Variants in TRPC6 observed in about 807,000 individuals in gnomAD.
TRPC6 encodes short transient receptor potential channel 6.
TRPC6 carries 55 observed loss-of-function variants against 90.7 expected under a neutral mutation model. The ratio of observed to expected loss-of-function variants is 0.61; its 90% CI spans 0.49 to 0.76. TRPC6 has a LOEUF of 0.76. Ranked by LOEUF, TRPC6 falls within the 30% of genes least tolerant of loss-of-function variation. The pLI is 0.00. For missense variants in TRPC6, 989 were observed against 1,122.7 expected (o/e 0.88, Z 1.70); for synonymous variants, 393 against 393.0 (o/e 1.00, Z 0.00).
At chr11:101,544,224 G>A (rs950916334) in intron 1 of TRPC6, among the ~76,000 whole-genome samples, 11 of 152,130 alleles carry the variant, frequency 7.2e-5, no homozygotes, top group Admixed American at 2.6e-4. Flanking sequence ...AAAAAGTCAG[G>A]AAACAACAGA....
intron 9 of TRPC6, 43 bp downstream of exon 9, chr11:101,471,140 A>C: frequency 6.2e-7 from 1 of 1,603,058 alleles, no homozygotes; most frequent in South Asian, 1.1e-5. Flanking sequence ...TACAGTAGTC[A>C]CAAAATTTAA....
At chr11:101,464,390 T>G (rs1354496609) in intron 10 of TRPC6, among the ~76,000 whole-genome samples, 1 of 152,194 alleles carries the variant, frequency 6.6e-6, no homozygotes, top group East Asian at 1.9e-4. Flanking sequence ...GAGATTGGGA[T>G]GTTAGAGTCT....
chr11:101,548,180 C>A (rs1461996246), intron 1 of TRPC6, among the ~76,000 whole-genome samples: 2 of 149,112 alleles, frequency 1.3e-5, no homozygotes, highest in African/African-American at 4.9e-5. Context: ...CTTTTCACTT[C>A]TTGAACTGTA....
At chr11:101,547,638 G>A (rs12791029) in intron 1 of TRPC6, among the ~76,000 whole-genome samples, 15,572 of 152,156 alleles carry the variant, frequency 0.1, 908 homozygotes, top group Middle Eastern at 0.14. Flanking sequence ...AATTTAGAAA[G>A]CAATAAGTTA....
intron 4 of TRPC6, among the ~76,000 whole-genome samples, chr11:101,484,595 ATGTGTG>A (rs61160203): frequency 0.011 from 1,566 of 140,888 alleles, 22 homozygotes; most frequent in African/African-American, 0.036. Flanking sequence ...CTCTCATGCT[ATGTGTG>A]TGTGTGTGTG....
Position 101,476,454 on chromosome 11 carries a change from A to C in TRPC6, c.1591T>G (p.Phe531Val). Residue 531 changes from phenylalanine (F) to valine (V), a missense_variant, in exon 6 of 13, where the codon TTT becomes GTT. Physicochemically the swap from Phe to Val is conservative, Grantham distance 50. Transcript: ENST00000344327. ...YLFELWNMLD[F>V]GMLAIFAASF... is the part of the protein sequence containing the mutation. ...GCTGCGAAAATTGCTAACATACCAAAATCAAGCATGTTCCACAACTCAAAC... is the reference window on the plus strand; with the variant it reads ...GCTGCGAAAATTGCTAACATACCAACATCAAGCATGTTCCACAACTCAAAC... The C allele has an allele frequency of 6.2e-7, 1 of 1,614,110 alleles. No homozygotes were observed. Among genetic ancestry groups the C allele is most frequent in the Non-Finnish European group, 8.5e-7 (1 of 1,180,002 alleles).
At chr11:101,541,363 T>TTTTTG (rs1555010001) in intron 1 of TRPC6, among the ~76,000 whole-genome samples, 4 of 152,110 alleles carry the variant, frequency 2.6e-5, no homozygotes, top group African/African-American at 9.7e-5. Context: ...ATGACTGTAT[T>TTTTTG]TTTTTGTTTT....
intron 6 of TRPC6, among the ~76,000 whole-genome samples, chr11:101,474,879 A>G (rs559950951): frequency 2.0e-5 from 3 of 152,304 alleles, no homozygotes; most frequent in South Asian, 4.1e-4. Flanking sequence ...TGATTGCTAA[A>G]TTGGGATGAA....
chr11:101,455,335 T>C, intron 10 of TRPC6: 1 of 444,254 alleles, frequency 2.3e-6, no homozygotes. Flanking sequence ...TCTTAGACTT[T>C]GTGGCTGCCA....
intron 1 of TRPC6, chr11:101,583,123 G>A (rs1444715614): frequency 6.2e-6 from 6 of 975,534 alleles, no homozygotes; most frequent in African/African-American, 1.8e-5. Flanking sequence ...CCTACGAGGA[G>A]CAAACCTAGA....
At chr11:101,541,263 G>A (rs1476836664) in intron 1 of TRPC6, among the ~76,000 whole-genome samples, 2 of 152,084 alleles carry the variant, frequency 1.3e-5, no homozygotes, top group African/African-American at 2.4e-5. Flanking sequence ...CATTCAGCTC[G>A]CTGGTTATCT....
intron 11 of TRPC6, among the ~76,000 whole-genome samples, chr11:101,454,751 A>G (rs1392841962): frequency 6.6e-6 from 1 of 151,998 alleles, no homozygotes; most frequent in Non-Finnish European, 1.5e-5. Flanking sequence ...TGTCGTCTTT[A>G]TGTTTTTTGT....
chr11:101,488,996 C>T lies in TRPC6; in HGVS notation c.1234G>A (p.Ala412Thr). 1 of 1,614,164 alleles carries T rather than the reference C, an allele frequency of 6.2e-7. No homozygotes were observed. ...TMAVKFLVVL[A>T]VAIGLPFLAL... Reference sequence around the variant, plus strand: ...AGGAAGGGCAGTCCAATGGCAACAGCAAGGACCACAAGGAACTTGACCGCC... The same window carrying T: ...AGGAAGGGCAGTCCAATGGCAACAGTAAGGACCACAAGGAACTTGACCGCC... The change falls in exon 4 of 13, where the codon GCT becomes ACT. Residue 412 changes from alanine to threonine, a missense_variant. Around this residue, in one of 4 missense-constraint regions of TRPC6, gnomAD observed 486 missense variants for 591.9 expected, o/e 0.82. Coordinates refer to ENST00000344327, the MANE Select transcript of TRPC6 (RefSeq NM_004621.6).
chr11:101,506,037 G>T (rs1483894961), intron 1 of TRPC6, among the ~76,000 whole-genome samples: 6 of 150,568 alleles, frequency 4.0e-5, no homozygotes, highest in Middle Eastern at 3.4e-3. Flanking sequence ...AAAAAAGGAA[G>T]GGGGCTGTGA....
In TRPC6 at chr11:101,516,588, C is replaced by A. The variant is rs188629117; in HGVS notation, c.171-11790G>T. On this transcript the variant is annotated intron_variant, in intron 1 of 12. Transcript: ENST00000344327. ...AAAAAAAGTAAGTACTTAGCACAAA[C>A]TTGGTAGAATAAGGAAGGGAAATAC... 2.1e-3 allele frequency among the ~76,000 whole-genome samples: 326 copies of A among 152,280 alleles called. 1 individual carries two copies. The highest frequency in any genetic ancestry group is 3.4e-3 in the Non-Finnish European group (233 of 68,018).
At chr11:101,461,341 G>C (rs897456585) in intron 10 of TRPC6, among the ~76,000 whole-genome samples, 3 of 152,184 alleles carry the variant, frequency 2.0e-5, no homozygotes, top group African/African-American at 7.2e-5. Flanking sequence ...GAGGTAGGTG[G>C]ATCACTTGAG....
intron 5 of TRPC6, among the ~76,000 whole-genome samples, chr11:101,477,212 T>G (rs546448713): frequency 2.0e-4 from 30 of 151,182 alleles, no homozygotes; most frequent in African/African-American, 7.3e-4. Flanking sequence ...CCAACCTTCC[T>G]GCCTGCTCTC....
intron 1 of TRPC6, among the ~76,000 whole-genome samples, chr11:101,509,395 C>T (rs957911954): frequency 6.6e-6 from 1 of 151,884 alleles, no homozygotes; most frequent in Non-Finnish European, 1.5e-5. Context: ...ACCACACCTG[C>T]CCTTTGTTTG....
chr11:101,554,607 G>A (rs1861520994), intron 1 of TRPC6, among the ~76,000 whole-genome samples: 1 of 152,036 alleles, frequency 6.6e-6, no homozygotes, highest in Non-Finnish European at 1.5e-5. Flanking sequence ...GGTGGTGGTT[G>A]CCCAGTGCCA....
Sources: gnomAD v4.1 joint callset for allele counts (sites outside exome capture counted in the v4.1 genomes callset) on GRCh38, gnomAD v4.1.1 for gene constraint, gnomAD v4.1.1 regional missense constraint, MANE v1.5 for transcripts, NCBI Gene and HGNC (gene_info 2026-07-23, HGNC 2026-07-21) for gene names.